KIAA1217: variants seen among roughly 807,000 people sequenced by gnomAD.
The protein encoded by KIAA1217 is KIAA1217.
In KIAA1217, 88 loss-of-function variants were observed where a neutral mutation model predicts 163.9. That is an observed-to-expected ratio of 0.54 (90% CI 0.45 to 0.64). The LOEUF is 0.64. Ranked by LOEUF, KIAA1217 falls within the 30% of genes least tolerant of loss-of-function variation. The probability of loss-of-function intolerance (pLI) is 0.00; values close to 1 mark genes in which losing one functional copy is unlikely to be tolerated. For missense variants in KIAA1217, 2,372 were observed against 2,475.0 expected (o/e 0.96, Z 0.88); for synonymous variants, 903 against 923.1 (o/e 0.98, Z 0.39).
chr10:23,997,523 C>CA (rs1456293531), intron 1 of KIAA1217, among the ~76,000 whole-genome samples: 1 of 152,062 alleles, frequency 6.6e-6, no homozygotes, highest in Non-Finnish European at 1.5e-5. Flanking sequence ...ATTTTTATTA[C>CA]AAAAATAATT....
intron 2 of KIAA1217, among the ~76,000 whole-genome samples, chr10:24,361,209 A>G (rs1031916832): frequency 6.6e-6 from 1 of 151,958 alleles, no homozygotes; most frequent in Non-Finnish European, 1.5e-5. Flanking sequence ...TTTTTGAGAC[A>G]GGGTCTAACA....
chr10:24,347,459 G>T (rs1013569300), intron 2 of KIAA1217, among the ~76,000 whole-genome samples: 1 of 152,228 alleles, frequency 6.6e-6, no homozygotes, highest in South Asian at 2.1e-4. Context: ...GAGAAAAAAA[G>T]AAAAACTTTG....
chr10:23,934,565 A>ATATATATATATATATATATATATATG (rs1391954967), intron 1 of KIAA1217, among the ~76,000 whole-genome samples: 1 of 70,982 alleles, frequency 1.4e-5, no homozygotes, highest in Non-Finnish European at 2.3e-5. Context: ...AAGTATATAT[A>ATATATATATATATATATATATATATG]TATATATATA....
intron 2 of KIAA1217, among the ~76,000 whole-genome samples, chr10:24,351,093 A>G (rs2134013191): frequency 6.6e-6 from 1 of 152,184 alleles, no homozygotes; most frequent in South Asian, 2.1e-4. Context: ...AATTACAGGC[A>G]TGCGACCATA....
At chr10:24,414,998 A>G (rs866220070) in intron 3 of KIAA1217, among the ~76,000 whole-genome samples, 9 of 152,128 alleles carry the variant, frequency 5.9e-5, no homozygotes, top group Admixed American at 2.6e-4. Flanking sequence ...TGTGAAGCCC[A>G]GCCTTGGAGA....
At chr10:24,312,475 T>A (rs975064383) in intron 2 of KIAA1217, among the ~76,000 whole-genome samples, 3 of 152,084 alleles carry the variant, frequency 2.0e-5, no homozygotes, top group Admixed American at 6.6e-5. Context: ...AAAAATTAGC[T>A]GGGCGTGGTG....
At chr10:24,276,673 G>A (rs1001152127) in intron 2 of KIAA1217, among the ~76,000 whole-genome samples, 4 of 150,228 alleles carry the variant, frequency 2.7e-5, no homozygotes, top group Non-Finnish European at 4.4e-5. Context: ...GCAGTGGCGC[G>A]ATCTCGGCTC....
At chr10:23,876,652 C>T (rs886490028) in intron 1 of KIAA1217, among the ~76,000 whole-genome samples, 1 of 151,912 alleles carries the variant, frequency 6.6e-6, no homozygotes, top group African/African-American at 2.4e-5. Context: ...AATGCTAGAC[C>T]AGTGTCCATG....
chr10:24,486,343 C>G (rs1472817331), intron 6 of KIAA1217, among the ~76,000 whole-genome samples: 1 of 152,216 alleles, frequency 6.6e-6, no homozygotes, highest in African/African-American at 2.4e-5. Context: ...GGAGAATGCC[C>G]TTCTCGGCTG....
intron 2 of KIAA1217, among the ~76,000 whole-genome samples, chr10:24,079,557 G>T (rs764104748): frequency 6.6e-6 from 1 of 152,190 alleles, no homozygotes; most frequent in Non-Finnish European, 1.5e-5. Context: ...TACAAGTAAG[G>T]TATCTGATTA....
At chr10:24,039,151 T>C (rs1017659869) in intron 2 of KIAA1217, among the ~76,000 whole-genome samples, 1 of 152,148 alleles carries the variant, frequency 6.6e-6, no homozygotes, top group African/African-American at 2.4e-5. Flanking sequence ...TTTTAGAGGT[T>C]CTCCAGCTGA....
intron 1 of KIAA1217, among the ~76,000 whole-genome samples, chr10:23,919,236 A>AT (rs112247707): frequency 2.1e-4 from 32 of 149,246 alleles, no homozygotes; most frequent in South Asian, 6.4e-4. Context: ...AGCTAGGGTC[A>AT]TTTTTTTTTT....
chr10:23,922,498 A>G (rs117808696), intron 1 of KIAA1217, among the ~76,000 whole-genome samples: 3,180 of 152,242 alleles, frequency 0.021, 63 homozygotes, highest in Admixed American at 0.064. Flanking sequence ...TCTCTTTGGA[A>G]TTGGCATCTG....
chr10:23,795,360 G>T (rs1485420056), intron 1 of KIAA1217, among the ~76,000 whole-genome samples: 1 of 152,052 alleles, frequency 6.6e-6, no homozygotes, highest in Non-Finnish European at 1.5e-5. Flanking sequence ...GGGTCCACTT[G>T]CCCCGTGCAC....
intron 1 of KIAA1217, among the ~76,000 whole-genome samples, chr10:23,885,637 T>C (rs543719176): frequency 6.6e-6 from 1 of 152,112 alleles, no homozygotes; most frequent in Admixed American, 6.5e-5. Flanking sequence ...GTCTTTAGCA[T>C]GTAGCTCTGT....
At chr10:23,758,686 C>CTTTTTTTTTTTT (rs34055872) in intron 1 of KIAA1217, among the ~76,000 whole-genome samples, 7 of 59,836 alleles carry the variant, frequency 1.2e-4, no homozygotes, top group Admixed American at 2.2e-4. Flanking sequence ...TTCTTTCTTT[C>CTTTTTTTTTTTT]TTTTTTTTTT....
At chr10:23,988,064 G>T (rs75540881) in intron 1 of KIAA1217, among the ~76,000 whole-genome samples, 1 of 151,828 alleles carries the variant, frequency 6.6e-6, no homozygotes, top group African/African-American at 2.4e-5. Context: ...AAAAAGCAGC[G>T]TGGATCCTTC....
intron 5 of KIAA1217, among the ~76,000 whole-genome samples, chr10:24,455,850 G>A (rs1434085006): frequency 6.6e-6 from 1 of 152,176 alleles, no homozygotes; most frequent in Non-Finnish European, 1.5e-5. Flanking sequence ...TCTGGGTTCA[G>A]AATGATCAAT....
In KIAA1217 at chr10:24,089,142, G is replaced by T. The variant is rs1418157338; in HGVS notation, c.-171+81768G>T. Among the ~76,000 whole-genome samples the T allele has an allele frequency of 4.2e-4, 53 of 124,986 alleles. 2 individuals are homozygous for T. Among genetic ancestry groups the T allele is most frequent in the African/African-American group, 1.3e-3 (51 of 39,952 alleles). The allele number at this position is 124,986 out of a possible 152,430, so 82.0% of individuals were successfully genotyped here. On this transcript the variant is annotated intron_variant, in intron 2 of 18. Coordinates refer to the KIAA1217 transcript ENST00000376462. ...CCTTCGCCCAGTTGCTGATGGGGTTGTTTGTTTTTTTCTTGTAAATTTGTT... is the reference window on the plus strand; with the variant it reads ...CCTTCGCCCAGTTGCTGATGGGGTTTTTTGTTTTTTTCTTGTAAATTTGTT...
Sources: allele counts gnomAD v4.1 joint callset (sites outside exome capture counted in the v4.1 genomes callset), GRCh38; gene constraint gnomAD v4.1.1; transcripts MANE v1.5; gene names NCBI Gene and HGNC (gene_info 2026-07-23, HGNC 2026-07-21).